ALK: variants seen among roughly 807,000 people sequenced by gnomAD.
ALK encodes ALK receptor tyrosine kinase.
ALK carries 74 observed loss-of-function variants against 163.1 expected under a neutral mutation model. That is an observed-to-expected ratio of 0.45 (90% CI 0.38 to 0.55). The LOEUF is 0.55. Among genes scored for constraint, ALK ranks in the 20% least tolerant of loss-of-function variants. The pLI, the probability that ALK is intolerant of heterozygous loss-of-function variation, is 0.00. For synonymous variants in ALK, 960 were observed against 843.2 expected (o/e 1.14, Z -2.40); for missense variants, 2,063 against 2,105.3 (o/e 0.98, Z 0.39).
chr2:29,890,421 T>A (rs983402927), intron 1 of ALK: 15 of 152,190 alleles, frequency 9.9e-5, no homozygotes. Context: ...TACTCTCTAC[T>A]ACAAAAAGGT....
chr2:29,674,313 G>T (rs1172873730), intron 3 of ALK, among the ~76,000 whole-genome samples: 2 of 151,798 alleles, frequency 1.3e-5, no homozygotes, highest in Non-Finnish European at 2.9e-5. Context: ...CTGTGGGTTT[G>T]TCATAGATAG....
intron 9 of ALK, among the ~76,000 whole-genome samples, chr2:29,278,523 T>C (rs1206578202): frequency 6.6e-6 from 1 of 152,142 alleles, no homozygotes; most frequent in Non-Finnish European, 1.5e-5. Context: ...CTTGGCAAGG[T>C]TATAGCCACG....
At chr2:29,898,560 C>A (rs1482643496) in intron 1 of ALK, among the ~76,000 whole-genome samples, 1 of 152,174 alleles carries the variant, frequency 6.6e-6, no homozygotes, top group Non-Finnish European at 1.5e-5. Flanking sequence ...GTAAAATAAT[C>A]CTTTTTCATT....
intron 3 of ALK, among the ~76,000 whole-genome samples, chr2:29,645,184 G>A (rs1302601109): frequency 6.6e-6 from 1 of 152,132 alleles, no homozygotes; most frequent in Non-Finnish European, 1.5e-5. Flanking sequence ...GAAAGGTGGA[G>A]TTATCAAAGT....
chr2:29,838,851 A>G (rs1221064886), intron 1 of ALK, among the ~76,000 whole-genome samples: 1 of 152,192 alleles, frequency 6.6e-6, no homozygotes, highest in Non-Finnish European at 1.5e-5. Flanking sequence ...ATGCAGGTGC[A>G]TGCAGTTGTC....
At chr2:29,203,952 CTT>C (rs892407436) in intron 26 of ALK, among the ~76,000 whole-genome samples, 5 of 151,906 alleles carry the variant, frequency 3.3e-5, no homozygotes, top group Admixed American at 2.0e-4. Context: ...TAAATTGGAC[CTT>C]TTGGTCTACC....
At chr2:29,465,386 T>A (rs537349858) in intron 4 of ALK, among the ~76,000 whole-genome samples, 1 of 152,270 alleles carries the variant, frequency 6.6e-6, no homozygotes, top group South Asian at 2.1e-4. Context: ...CTATAGGGAC[T>A]TTCACTATAA....
intron 5 of ALK, among the ~76,000 whole-genome samples, chr2:29,360,010 TG>T (rs1256546345): frequency 6.6e-6 from 1 of 152,218 alleles, no homozygotes; most frequent in Non-Finnish European, 1.5e-5. Flanking sequence ...TCAGTAGAAG[TG>T]GGCAGGCCTC....
intron 2 of ALK, among the ~76,000 whole-genome samples, chr2:29,699,731 T>A (rs917545208): frequency 9.2e-5 from 14 of 152,196 alleles, no homozygotes; most frequent in African/African-American, 3.4e-4. Flanking sequence ...AATCTGACCA[T>A]TGAAAAAGAG....
rs140971091 is a variant in ALK at position 29,589,355 on chromosome 2, C to T, written c.953-57239G>A. ...GTGAATATACCAGAGCTGTGTGACC[C>T]GTGACAGGAGAAGTTGGAGGATCTC... On this transcript the variant is annotated intron_variant, in intron 3 of 28. Transcript: ENST00000389048. 2.3e-3 allele frequency among the ~76,000 whole-genome samples: 355 copies of T among 152,216 alleles called. 1 individual carries two copies. Among genetic ancestry groups the T allele is most frequent in the Middle Eastern group, 0.02 (6 of 294 alleles).
chr2:29,550,091 A>G (rs1021299237), intron 3 of ALK, among the ~76,000 whole-genome samples: 1 of 152,230 alleles, frequency 6.6e-6, no homozygotes, highest in African/African-American at 2.4e-5. Flanking sequence ...ATCTTTAACA[A>G]CAGCAAGTAA....
intron 3 of ALK, among the ~76,000 whole-genome samples, chr2:29,623,360 C>A (rs4666258): frequency 0.64 from 97,257 of 152,060 alleles, 32,044 homozygotes; most frequent in South Asian, 0.73. Flanking sequence ...TGTTTTGCAA[C>A]CGTGAAAAAT....
At chr2:29,814,798 TG>T (rs1264254469) in intron 1 of ALK, among the ~76,000 whole-genome samples, 9 of 151,914 alleles carry the variant, frequency 5.9e-5, no homozygotes, top group African/African-American at 2.2e-4. Context: ...CTATGTGAAA[TG>T]GGACTAATCC....
chr2:29,621,895 G>A (rs142472587), intron 3 of ALK, among the ~76,000 whole-genome samples: 1 of 152,204 alleles, frequency 6.6e-6, no homozygotes, highest in Non-Finnish European at 1.5e-5. Flanking sequence ...GGGAAGGGCA[G>A]GGCAGGTCTC....
chr2:29,557,906 C>T (rs547569126), intron 3 of ALK, among the ~76,000 whole-genome samples: 12 of 152,222 alleles, frequency 7.9e-5, no homozygotes, highest in East Asian at 3.9e-4. Context: ...TATACTCATG[C>T]GCTCTTTCGA....
intron 4 of ALK, among the ~76,000 whole-genome samples, chr2:29,518,964 C>T (rs1672743728): frequency 6.6e-6 from 1 of 152,128 alleles, no homozygotes; most frequent in Non-Finnish European, 1.5e-5. Context: ...AATCATATGT[C>T]TTTGTATTAA....
intron 5 of ALK, among the ~76,000 whole-genome samples, chr2:29,354,606 G>GAA (rs1233386924): frequency 6.6e-6 from 1 of 151,982 alleles, no homozygotes; most frequent in Non-Finnish European, 1.5e-5. Flanking sequence ...GAGAGAGAGA[G>GAA]AGAGAGAGAA....
chr2:29,669,230 T>C (rs1290794546), intron 3 of ALK, among the ~76,000 whole-genome samples: 9 of 152,100 alleles, frequency 5.9e-5, no homozygotes, highest in Non-Finnish European at 1.2e-4. Context: ...CTGTAGTCTA[T>C]CTCTCCCTTT....
chr2:29,630,742 T>A lies in ALK; in HGVS notation c.952+64108A>T, dbSNP rs546071453. Among the ~76,000 whole-genome samples, 11 of 152,292 alleles carry A rather than the reference T, an allele frequency of 7.2e-5. No individual in the cohort carries two copies. The South Asian group carries it at 2.1e-3, about 29-fold the overall frequency. ...ATATACTAGATTAACCCAGGCTATATTTTGAAATTTTGTTGTCTACGTCTT... is the reference window on the plus strand; with the variant it reads ...ATATACTAGATTAACCCAGGCTATAATTTGAAATTTTGTTGTCTACGTCTT... On this transcript the variant is annotated intron_variant, in intron 3 of 28. Transcript: ENST00000389048.
Sources: gnomAD v4.1 joint callset for allele counts (sites outside exome capture counted in the v4.1 genomes callset) on GRCh38, gnomAD v4.1.1 for gene constraint, MANE v1.5 for transcripts, NCBI Gene and HGNC (gene_info 2026-07-23, HGNC 2026-07-21) for gene names.